The following CCDC68 variants were observed in gnomAD, a reference collection of about 807,000 sequenced individuals.
CCDC68 encodes coiled-coil domain containing 68.
In CCDC68, 45 loss-of-function variants were observed where a neutral mutation model predicts 47.1. The ratio of observed to expected loss-of-function variants is 0.96; its 90% CI spans 0.75 to 1.23. The LOEUF (loss-of-function observed/expected upper bound fraction) is 1.23. Among genes scored for constraint, CCDC68 ranks in the 50% most tolerant of loss-of-function variants. The pLI is 0.00. For synonymous variants in CCDC68, 131 were observed against 129.5 expected (o/e 1.01, Z -0.08); for missense variants, 353 against 373.6 (o/e 0.94, Z 0.45).
intron 1 of CCDC68, among the ~76,000 whole-genome samples, chr18:54,946,971 C>CTT: frequency 6.6e-6 from 1 of 152,124 alleles, no homozygotes; most frequent in Non-Finnish European, 1.5e-5. Context: ...GGTTGCAAAG[C>CTT]TTTATAACTG....
chr18:54,930,522 A>G (rs2044223573), intron 7 of CCDC68, among the ~76,000 whole-genome samples: 1 of 152,070 alleles, frequency 6.6e-6, no homozygotes, highest in South Asian at 2.1e-4. Context: ...TTCTTGCCAG[A>G]TAGAAATTGT....
In CCDC68 at chr18:54,939,284, C is replaced by CA. The variant is rs967845166; in HGVS notation, c.205-1188dup. ...TTTTAATTTGTTAAAGAATATTTGA[C>CA]AAAAAAAAAAACTCTTGAAGAAGGC... is the stretch of plus-strand genomic sequence containing the variant. On this transcript the variant is annotated intron_variant, in intron 4 of 11. Transcript: ENST00000591504. 3.0e-3 allele frequency among the ~76,000 whole-genome samples: 411 copies of CA among 139,158 alleles called. 2 individuals carry two copies. Among genetic ancestry groups the CA allele is most frequent in the African/African-American group, 4.8e-3 (183 of 38,030 alleles). 91.3% of individuals were successfully genotyped at this position (139,158 alleles called of 152,430 possible).
intron 4 of CCDC68, 108 bp from the exon 5 acceptor site, chr18:54,938,205 G>T: frequency 9.8e-7 from 1 of 1,021,750 alleles, no homozygotes; most frequent in Non-Finnish European, 1.3e-6. Flanking sequence ...CTTCAGATCA[G>T]CACAAACAAA....
intron 1 of CCDC68, among the ~76,000 whole-genome samples, chr18:54,955,766 G>A (rs2145674155): frequency 6.6e-6 from 1 of 152,266 alleles, no homozygotes; most frequent in South Asian, 2.1e-4. Context: ...TGCCCAGGCT[G>A]GAGTGCAGTG....
intron 7 of CCDC68, among the ~76,000 whole-genome samples, chr18:54,931,435 T>C (rs912412251): frequency 3.3e-5 from 5 of 152,222 alleles, no homozygotes; most frequent in African/African-American, 9.6e-5. Context: ...ATTTCAATCA[T>C]TGCCAAATGC....
rs747918940 is a variant in CCDC68, at chr18:54,936,917, G to A, written c.387C>T (p.Asn129=). The A allele has an allele frequency of 1.4e-5, 22 of 1,613,946 alleles. No individual in the cohort carries two copies. Among genetic ancestry groups the A allele is most frequent in the South Asian group, 2.2e-5 (2 of 91,078 alleles). Residue 129 remains asparagine (N), a synonymous_variant, in exon 6 of 12, where the codon AAC becomes AAT. Coordinates refer to ENST00000591504, the MANE Select transcript of CCDC68 (RefSeq NM_025214.3). ...AGTTTTCAAATAATCTCTGGGCCAC[G>A]TTTCTCAGAGCTGCTGCTCCTGCTT... is the stretch of plus-strand genomic sequence containing the variant. ...SREAGAAALR[N]VAQRLFENYQ...
At chr18:54,915,603 T>C (rs1391256640) in intron 10 of CCDC68, among the ~76,000 whole-genome samples, 1 of 152,184 alleles carries the variant, frequency 6.6e-6, no homozygotes, top group Non-Finnish European at 1.5e-5. Context: ...TCCCAACTTA[T>C]ATGGAATGAA....
intron 1 of CCDC68, among the ~76,000 whole-genome samples, chr18:54,957,092 TTG>T (rs1293714156): frequency 6.6e-6 from 1 of 152,222 alleles, no homozygotes; most frequent in East Asian, 1.9e-4. Context: ...TCATTAATTT[TTG>T]TCTCTAGATT....
At chr18:54,916,036 G>A (rs2043945440) in intron 10 of CCDC68, among the ~76,000 whole-genome samples, 1 of 152,160 alleles carries the variant, frequency 6.6e-6, no homozygotes, top group South Asian at 2.1e-4. Context: ...GAAAGGCTGT[G>A]AAGAAATGTC....
chr18:54,956,236 G>C (rs573836604), intron 1 of CCDC68, among the ~76,000 whole-genome samples: 1 of 152,218 alleles, frequency 6.6e-6, no homozygotes, highest in Non-Finnish European at 1.5e-5. Flanking sequence ...GATCTGCCCA[G>C]CTCAGCCTCC....
At chr18:54,914,626 AAAAAAAG>A (rs751657637) in intron 10 of CCDC68, among the ~76,000 whole-genome samples, 7 of 152,046 alleles carry the variant, frequency 4.6e-5, no homozygotes, top group African/African-American at 9.7e-5. Context: ...ACTCCATCTC[AAAAAAAG>A]AAAAAAGAAA....
Position 54,934,863 on chromosome 18 carries a change from C to T in CCDC68, c.557G>A (p.Ser186Asn). 6.2e-7 allele frequency: 1 copy of T among 1,602,348 alleles called. No individual in the cohort carries two copies. The highest frequency in any genetic ancestry group is 8.5e-7 in the Non-Finnish European group (1 of 1,174,954). ...AAGGTTCTCCAATTCTGTAATTTGACTGTGTTTTTCTTCAAGTTTTTCAGC... is the reference window on the plus strand; with the variant it reads ...AAGGTTCTCCAATTCTGTAATTTGATTGTGTTTTTCTTCAAGTTTTTCAGC... ...QVAEKLEEKHSQITELENLVQ... is the reference protein window; with the variant it reads ...QVAEKLEEKHNQITELENLVQ... Residue 186 changes from serine (S) to asparagine (N), a missense_variant, in exon 7 of 12, where the codon AGT (serine) becomes AAT (asparagine). Transcript: ENST00000591504.
At chr18:54,924,371 C>A (rs967463262) in intron 8 of CCDC68, among the ~76,000 whole-genome samples, 153 of 151,996 alleles carry the variant, frequency 1.0e-3, no homozygotes, top group African/African-American at 3.6e-3. Context: ...AGAAATGACA[C>A]AATGGTGAAT....
At position 54,926,800 on chromosome 18, in the gene CCDC68, C is replaced by T. The variant is rs556979835; in HGVS notation, c.683+2000G>A. On this transcript the variant is annotated intron_variant, in intron 8 of 11. Coordinates refer to ENST00000591504, the MANE Select transcript of CCDC68 (RefSeq NM_025214.3). ...TATGAGAATGTAGGAGCAAAATCTC[C>T]GAGCTCTATAATTTCTGAGAGATTG... 4.6e-5 allele frequency among the ~76,000 whole-genome samples: 7 copies of T among 152,216 alleles called. No individual in the cohort carries two copies. The East Asian group carries it at 9.6e-4, about 21-fold the overall frequency.
intron 7 of CCDC68, among the ~76,000 whole-genome samples, chr18:54,930,616 CT>C: frequency 1.2e-5 from 1 of 81,632 alleles, no homozygotes. Flanking sequence ...CCTTCCTTCC[CT>C]TCCCTTCCCC....
intron 7 of CCDC68, among the ~76,000 whole-genome samples, chr18:54,930,466 T>C (rs1051060863): frequency 6.6e-5 from 10 of 152,190 alleles, no homozygotes; most frequent in Non-Finnish European, 1.2e-4. Context: ...TCTTAATGTG[T>C]TCTGTTATGT....
intron 1 of CCDC68, among the ~76,000 whole-genome samples, chr18:54,953,511 TACAC>T (rs140232651): frequency 0.41 from 59,779 of 147,388 alleles, 12,304 homozygotes; most frequent in Admixed American, 0.46. Context: ...TATATATACA[TACAC>T]ACACACACAC....
intron 2 of CCDC68, among the ~76,000 whole-genome samples, chr18:54,944,204 T>A (rs1341023898): frequency 1.3e-5 from 2 of 152,112 alleles, no homozygotes; most frequent in Admixed American, 6.5e-5. Context: ...GAATATCATA[T>A]CCTACCAAAA....
At chr18:54,933,409 C>T (rs777034932) in intron 7 of CCDC68, among the ~76,000 whole-genome samples, 1 of 152,124 alleles carries the variant, frequency 6.6e-6, no homozygotes, top group Non-Finnish European at 1.5e-5. Flanking sequence ...GGGGCAGTGA[C>T]GGTTGCCACT....
Sources: gnomAD v4.1 joint callset for allele counts (sites outside exome capture counted in the v4.1 genomes callset) on GRCh38, gnomAD v4.1.1 for gene constraint, MANE v1.5 for transcripts, NCBI Gene and HGNC (gene_info 2026-07-23, HGNC 2026-07-21) for gene names.